MED26: variants seen among roughly 807,000 people sequenced by gnomAD.
MED26 encodes mediator of RNA polymerase II transcription subunit 26.
A neutral mutation model predicts 43.7 loss-of-function variants in MED26; 7 were observed. The ratio of observed to expected loss-of-function variants is 0.16; its 90% confidence interval spans 0.09 to 0.30. The LOEUF (loss-of-function observed/expected upper bound fraction) is 0.30, where lower values mean the gene tolerates loss of function less well. Among genes scored for constraint, MED26 ranks in the 10% least tolerant of loss-of-function variants. MED26 has a pLI of 1.00. For synonymous variants in MED26, 375 were observed against 371.1 expected (o/e 1.01, Z -0.12); for missense variants, 784 against 840.6 (o/e 0.93, Z 0.83).
rs1406726307 is a variant in MED26, at chr19:16,576,321, C to T, written c.1509G>A (p.Gln503=). Residue 503 remains glutamine, a synonymous_variant, in exon 3 of 3, where the codon CAG becomes CAA. Transcript: ENST00000263390. This position sits in a 1 kb window ranked among gnomAD's most constrained non-coding sequence, Gnocchi z 6.8. ...ACATGAAGTGGTGAGCCCCTGGGGT[C>T]TGCGCGCCCGATGATGAGAGCAGGC... ...QSSLLSSSGA[Q]TPGAHHFMSE... 1 of 1,613,688 alleles carries T rather than the reference C, an allele frequency of 6.2e-7. No homozygotes were observed.
rs2086007700 is a variant in MED26 at position 16,576,916 on chromosome 19, T to C, written c.914A>G (p.Gln305Arg). The change falls in exon 3 of 3, where the codon CAG (glutamine) becomes CGG (arginine). Residue 305 changes from glutamine (Q) to arginine (R), a missense_variant. This residue lies in a region of MED26 where 719 missense variants were observed against 730.9 expected (regional missense o/e 0.98). Transcript: ENST00000263390. This position sits in a 1 kb window ranked among gnomAD's most constrained non-coding sequence, Gnocchi z 6.8. ...CGGCACCTGTGTGGCATCGAGTGCC[T>C]GGGGCCGCGGTGAGGGGCTGGGCAC... ...GSVPSPSPRP[Q>R]ALDATQVPSP... is the part of the protein sequence containing the mutation. The C allele has an allele frequency of 6.3e-7, 1 of 1,599,016 alleles. No individual in the cohort carries two copies. Among genetic ancestry groups the C allele is most frequent in the East Asian group, 2.2e-5 (1 of 44,656 alleles).
At chr19:16,620,008 T>C (rs1288406844) in intron 1 of MED26, among the ~76,000 whole-genome samples, 2 of 152,234 alleles carry the variant, frequency 1.3e-5, no homozygotes, top group East Asian at 1.9e-4. Context: ...CTAGGGACCA[T>C]GGACAGGCAG....
At chr19:16,597,486 AAAC>A in intron 1 of MED26, 2 of 398,652 alleles carry the variant, frequency 5.0e-6, no homozygotes, top group Non-Finnish European at 8.8e-6. Flanking sequence ...TAGACAACAG[AAAC>A]AACACACCAA....
chr19:16,594,546 T>C (rs2086111908), intron 1 of MED26, among the ~76,000 whole-genome samples: 1 of 151,914 alleles, frequency 6.6e-6, no homozygotes, highest in African/African-American at 2.4e-5. Flanking sequence ...CAAGGCAAGG[T>C]GGGGTCTGAG....
chr19:16,621,102 G>A (rs1429788605), intron 1 of MED26, among the ~76,000 whole-genome samples: 2 of 152,192 alleles, frequency 1.3e-5, no homozygotes, highest in Non-Finnish European at 2.9e-5. Context: ...AGACGCAATG[G>A]AGTTCAGCTT....
chr19:16,608,978 T>C (rs1384151049), intron 1 of MED26, among the ~76,000 whole-genome samples: 2 of 152,162 alleles, frequency 1.3e-5, no homozygotes, highest in South Asian at 2.1e-4. Flanking sequence ...ATTTGAAAAC[T>C]ATTATCTAAT....
At chr19:16,620,548 A>C (rs2086247074) in intron 1 of MED26, among the ~76,000 whole-genome samples, 1 of 152,262 alleles carries the variant, frequency 6.6e-6, no homozygotes, top group Non-Finnish European at 1.5e-5. Context: ...CTAGACACTA[A>C]GGGAGCAACA....
At chr19:16,601,755 C>T (rs952522638) in intron 1 of MED26, among the ~76,000 whole-genome samples, 16 of 152,240 alleles carry the variant, frequency 1.1e-4, no homozygotes, top group Admixed American at 2.0e-4. Context: ...GCGCAGCATG[C>T]GCAGAGTGCC....
At chr19:16,588,015 G>C (rs2086078988) in intron 1 of MED26, 1 of 152,284 alleles carries the variant, frequency 6.6e-6, no homozygotes, top group African/African-American at 2.4e-5. Context: ...GTTTTTAGCA[G>C]CTCTTCCCAA....
chr19:16,595,454 G>A (rs528072663), intron 1 of MED26, among the ~76,000 whole-genome samples: 2 of 152,202 alleles, frequency 1.3e-5, no homozygotes, highest in South Asian at 4.1e-4. Flanking sequence ...TTGAACCCCA[G>A]CAGCCTCAGG....
intron 1 of MED26, among the ~76,000 whole-genome samples, chr19:16,581,861 GC>G (rs1436907274): frequency 6.6e-6 from 1 of 152,258 alleles, no homozygotes; most frequent in African/African-American, 2.4e-5. Context: ...CAAGGGAAAT[GC>G]TACAGCCTTG....
chr19:16,585,202 C>T (rs2086065121), intron 1 of MED26, among the ~76,000 whole-genome samples: 1 of 152,184 alleles, frequency 6.6e-6, no homozygotes, highest in Admixed American at 6.5e-5. Flanking sequence ...GAGAGGGGAG[C>T]TCTGAGTACC....
intron 1 of MED26, among the ~76,000 whole-genome samples, chr19:16,584,126 A>C (rs938512682): frequency 6.6e-6 from 1 of 151,906 alleles, no homozygotes; most frequent in Non-Finnish European, 1.5e-5. Flanking sequence ...GGTGGTGTGC[A>C]CCTGTAATCC....
intron 1 of MED26, among the ~76,000 whole-genome samples, chr19:16,623,608 C>T (rs1366950039): frequency 6.6e-6 from 1 of 152,194 alleles, no homozygotes; most frequent in Non-Finnish European, 1.5e-5. Flanking sequence ...CAGGCTATGT[C>T]ATATCACCAC....
chr19:16,584,376 C>T (rs1272300217), intron 1 of MED26, among the ~76,000 whole-genome samples: 1 of 152,178 alleles, frequency 6.6e-6, no homozygotes, highest in Non-Finnish European at 1.5e-5. Context: ...CCTTTGTCCC[C>T]AGAGAGCCCC....
intron 1 of MED26, among the ~76,000 whole-genome samples, chr19:16,627,524 G>A (rs2086285536): frequency 6.6e-6 from 1 of 152,236 alleles, no homozygotes; most frequent in Non-Finnish European, 1.5e-5. Flanking sequence ...AGGGCTTCCC[G>A]GGGGTCTCGG....
chr19:16,575,922 A>C lies in MED26; in HGVS notation c.*105T>G. The C allele has an allele frequency of 6.2e-6, 6 of 968,934 alleles. No individual in the cohort carries two copies. The highest frequency in any genetic ancestry group is 6.1e-6 in the Non-Finnish European group (4 of 652,220). The allele number at this position is 968,934 out of a possible 1,614,324, so 60.0% of individuals were successfully genotyped here. A position where few individuals can be genotyped will look rare whatever the true frequency, so the allele number is the denominator to read the frequency against. On this transcript the variant is annotated 3_prime_UTR_variant, in exon 3 of 3. Coordinates refer to ENST00000263390, the MANE Select transcript of MED26 (RefSeq NM_004831.5). ...CCTCCCGCCTGGGCCGGACTCCCCG[A>C]GTTCCCAGCGCAGGAGGCAGCTGGG...
Position 16,575,873 on chromosome 19 carries a change from A to T in MED26, c.*154T>A. ...AGAGTTTTGAGGGAAGAGCGCAGAG[A>T]GACCGCGTGACTCCCGCCCCCTCCC... is the stretch of plus-strand genomic sequence containing the variant. On this transcript the variant is annotated 3_prime_UTR_variant, in exon 3 of 3. Transcript: ENST00000263390. 1.6e-6 allele frequency: 1 copy of T among 638,010 alleles called. No individual in the cohort carries two copies. The highest frequency in any genetic ancestry group is 1.9e-5 in the South Asian group (1 of 51,614). The allele number at this position is 638,010 out of a possible 1,614,324, so 39.5% of individuals were successfully genotyped here.
intron 1 of MED26, among the ~76,000 whole-genome samples, chr19:16,583,652 G>A (rs1256053569): frequency 6.6e-6 from 1 of 152,146 alleles, no homozygotes; most frequent in African/African-American, 2.4e-5. Context: ...TTAGCAGGTG[G>A]GACCAGGTGT....
Sources: gnomAD v4.1 joint callset for allele counts (sites outside exome capture counted in the v4.1 genomes callset) on GRCh38, gnomAD v4.1.1 for gene constraint, gnomAD v4.1.1 regional missense constraint, Gnocchi (gnomAD v3.1) non-coding constraint, MANE v1.5 for transcripts, NCBI Gene and HGNC (gene_info 2026-07-23, HGNC 2026-07-21) for gene names.